The following MARK1 variants were observed in gnomAD, a reference collection of about 807,000 sequenced individuals.
MARK1 encodes microtubule affinity regulating kinase 1.
Under a neutral mutation model 96.3 loss-of-function variants are expected in MARK1, and 40 were observed. That is an observed-to-expected ratio of 0.42 (90% CI 0.32 to 0.54). The LOEUF is 0.54. Among genes scored for constraint, MARK1 ranks in the 20% least tolerant of loss-of-function variants. MARK1 has a pLI of 0.16. For synonymous variants in MARK1, 317 were observed against 341.2 expected (o/e 0.93, Z 0.78); for missense variants, 719 against 984.6 (o/e 0.73, Z 3.61).
At chr1:220,556,503 A>AAAAAAC in intron 1 of MARK1, among the ~76,000 whole-genome samples, 3 of 142,546 alleles carry the variant, frequency 2.1e-5, no homozygotes, top group Admixed American at 7.2e-5. Context: ...AAAAAAAAAA[A>AAAAAAC]AAACAAATTA....
intron 9 of MARK1, chr1:220,626,809 G>C (rs904256061): frequency 2.9e-5 from 10 of 348,872 alleles, no homozygotes; most frequent in Non-Finnish European, 4.9e-5. Context: ...AACTGAGTGA[G>C]ACTCCATCTC....
chr1:220,627,184 G>A (rs761205273), intron 9 of MARK1: 18 of 477,300 alleles, frequency 3.8e-5, no homozygotes, highest in Admixed American at 2.2e-4. Flanking sequence ...GGAGAGTGGC[G>A]ATGAGAGCGA....
intron 6 of MARK1, among the ~76,000 whole-genome samples, chr1:220,609,898 A>G (rs1666329936): frequency 1.3e-5 from 2 of 152,152 alleles, no homozygotes; most frequent in Admixed American, 1.3e-4. Flanking sequence ...TCTAGCTTGT[A>G]AGGTTTGTGC....
intron 9 of MARK1, among the ~76,000 whole-genome samples, chr1:220,621,686 A>C (rs898783223): frequency 1.3e-5 from 2 of 152,108 alleles, no homozygotes; most frequent in African/African-American, 4.8e-5. Context: ...CACATTTAAA[A>C]AAAATGGAAC....
chr1:220,655,682 C>T (rs1255889187), intron 16 of MARK1, among the ~76,000 whole-genome samples: 1 of 152,200 alleles, frequency 6.6e-6, no homozygotes, highest in Non-Finnish European at 1.5e-5. Context: ...TCATCTTTCA[C>T]TTCCTCATAG....
In MARK1 at chr1:220,618,229, T is replaced by G; in HGVS notation, c.553-81T>G. On this transcript the variant is annotated intron_variant, in intron 7 of 17. Transcript: ENST00000366917. This position sits in a 1 kb window ranked among gnomAD's most constrained non-coding sequence, Gnocchi z 4.6. ...AAATGAGGGGCAAGAGATATGTAAGTTTGGAAGCTAAAACTCTTTTACAAA... is the reference window on the plus strand; with the variant it reads ...AAATGAGGGGCAAGAGATATGTAAGGTTGGAAGCTAAAACTCTTTTACAAA... 1 of 888,476 alleles carries G rather than the reference T, an allele frequency of 1.1e-6. No homozygotes were observed. Among genetic ancestry groups the G allele is most frequent in the Non-Finnish European group, 1.8e-6 (1 of 562,552 alleles). 55.0% of individuals were successfully genotyped at this position (888,476 alleles called of 1,614,324 possible). A position where few individuals can be genotyped will look rare whatever the true frequency, so the allele number is the denominator to read the frequency against.
At chr1:220,657,755 T>C in intron 16 of MARK1, 35 bp from the exon 17 acceptor site, 1 of 1,496,400 alleles carries the variant, frequency 6.7e-7, no homozygotes, top group East Asian at 2.5e-5. Context: ...TTTTTTACTT[T>C]TATCATTAAA....
intron 6 of MARK1, among the ~76,000 whole-genome samples, chr1:220,613,653 A>G (rs1472279668): frequency 3.3e-5 from 5 of 152,200 alleles, no homozygotes; most frequent in African/African-American, 4.8e-5. Context: ...AAATATACAT[A>G]TAAATGTATG....
At chr1:220,593,422 C>T (rs1426851327) in intron 3 of MARK1, among the ~76,000 whole-genome samples, 1 of 152,048 alleles carries the variant, frequency 6.6e-6, no homozygotes, top group Non-Finnish European at 1.5e-5. Context: ...GAAAAAATTA[C>T]TTGGTTACAT....
intron 1 of MARK1, among the ~76,000 whole-genome samples, chr1:220,554,287 A>T (rs144358954): frequency 1.3e-5 from 2 of 152,238 alleles, no homozygotes; most frequent in African/African-American, 4.8e-5. Context: ...GTGATTTCCT[A>T]TAGAAGGAAA....
chr1:220,605,777 T>C (rs1377313662), intron 6 of MARK1, among the ~76,000 whole-genome samples: 2 of 151,964 alleles, frequency 1.3e-5, no homozygotes, highest in African/African-American at 4.8e-5. Flanking sequence ...TGGTTTTCTG[T>C]CCTTGTGATA....
chr1:220,622,350 G>A (rs1053670901), intron 9 of MARK1, among the ~76,000 whole-genome samples: 2 of 151,972 alleles, frequency 1.3e-5, no homozygotes, highest in Non-Finnish European at 2.9e-5. Context: ...CCCTCTCTTT[G>A]TCGTCATTGG....
At chr1:220,661,731 A>T in intron 17 of MARK1, 81 bp from the exon 18 acceptor site, 1 of 1,048,240 alleles carries the variant, frequency 9.5e-7, no homozygotes, top group Non-Finnish European at 1.4e-6. Flanking sequence ...AACTATGACC[A>T]CTTAGATTTT....
intron 1 of MARK1, among the ~76,000 whole-genome samples, chr1:220,550,563 G>T (rs558474134): frequency 6.6e-6 from 1 of 152,290 alleles, no homozygotes; most frequent in South Asian, 2.1e-4. Context: ...ATGTTCCCCA[G>T]GCTGGTATCA....
intron 1 of MARK1, among the ~76,000 whole-genome samples, chr1:220,542,943 C>T (rs1055299218): frequency 2.6e-5 from 4 of 152,006 alleles, no homozygotes; most frequent in African/African-American, 9.7e-5. Context: ...ACTTATGTTC[C>T]TAAACCATGT....
intron 1 of MARK1, among the ~76,000 whole-genome samples, chr1:220,578,059 T>C (rs767269141): frequency 7.9e-5 from 12 of 152,220 alleles, no homozygotes; most frequent in Non-Finnish European, 1.6e-4. Context: ...TAATGTTGCC[T>C]TTAAGATCAA....
chr1:220,530,565 T>C (rs190720600), intron 1 of MARK1, among the ~76,000 whole-genome samples: 1 of 152,310 alleles, frequency 6.6e-6, no homozygotes. Flanking sequence ...TTGAATAGTA[T>C]AGCTTTTCTC....
chr1:220,557,325 A>T (rs1662338141), intron 1 of MARK1, among the ~76,000 whole-genome samples: 3 of 152,228 alleles, frequency 2.0e-5, no homozygotes, highest in Non-Finnish European at 4.4e-5. Context: ...CTGTAATCCT[A>T]GCACTTTGGG....
intron 1 of MARK1, among the ~76,000 whole-genome samples, chr1:220,545,314 C>T (rs1661405567): frequency 1.3e-5 from 2 of 152,056 alleles, no homozygotes; most frequent in African/African-American, 2.4e-5. Flanking sequence ...TCCTGGAGGC[C>T]GCAGAAGCTC....
Sources: gnomAD v4.1 joint callset for allele counts (sites outside exome capture counted in the v4.1 genomes callset) on GRCh38, gnomAD v4.1.1 for gene constraint, Gnocchi (gnomAD v3.1) non-coding constraint, MANE v1.5 for transcripts, NCBI Gene and HGNC (gene_info 2026-07-23, HGNC 2026-07-21) for gene names.